Variants in TBK1 observed in about 807,000 individuals in gnomAD.
TBK1 encodes TANK binding kinase 1, also known as serine/threonine-protein kinase TBK1.
A neutral mutation model predicts 99.9 loss-of-function variants in TBK1; 37 were observed. That is an observed-to-expected ratio of 0.37 (90% CI 0.28 to 0.49). The LOEUF is 0.49. TBK1 is among the 20% of genes least tolerant of loss of function. TBK1 has a pLI of 0.98. For synonymous variants in TBK1, 258 were observed against 279.8 expected, an observed-to-expected ratio of 0.92 and a Z score of 0.78; for missense variants, 644 against 872.5, an observed-to-expected ratio of 0.74 and a Z score of 3.30.
At chr12:64,462,352 C>A (rs1234020871) in intron 3 of TBK1, among the ~76,000 whole-genome samples, 1 of 152,092 alleles carries the variant, frequency 6.6e-6, no homozygotes, top group African/African-American at 2.4e-5. Context: ...TCTTGGAACA[C>A]CTTATATATG....
At chr12:64,486,922 T>C (rs1009736174) in intron 11 of TBK1, among the ~76,000 whole-genome samples, 5 of 152,126 alleles carry the variant, frequency 3.3e-5, no homozygotes, top group African/African-American at 1.2e-4. Flanking sequence ...ACCACTAATA[T>C]ACTGTTTGCC....
At chr12:64,456,383 G>T (rs1297785034) in intron 2 of TBK1, among the ~76,000 whole-genome samples, 1 of 152,148 alleles carries the variant, frequency 6.6e-6, no homozygotes, top group Non-Finnish European at 1.5e-5. Flanking sequence ...TCTGGTAAGG[G>T]TAAGTGCCCC....
intron 5 of TBK1, among the ~76,000 whole-genome samples, chr12:64,468,837 C>T (rs1387863706): frequency 6.6e-6 from 1 of 152,176 alleles, no homozygotes; most frequent in East Asian, 1.9e-4. Flanking sequence ...GCACAGCGTT[C>T]TGACTGCTGT....
At chr12:64,468,145 A>G (rs1449779774) in intron 5 of TBK1, among the ~76,000 whole-genome samples, 1 of 152,112 alleles carries the variant, frequency 6.6e-6, no homozygotes, top group African/African-American at 2.4e-5. Flanking sequence ...CTATGATTGC[A>G]CCACTGCAAT....
chr12:64,497,541 AGGACTTATTAAAAGC>A, intron 18 of TBK1, 92 bp from the exon 19 acceptor site: 1 of 726,218 alleles, frequency 1.4e-6, no homozygotes, highest in Non-Finnish European at 2.2e-6. Context: ...GTTTTTTTAA[AGGACTTATTAAAAGC>A]TGTAACACTT....
At chr12:64,487,307 G>A (rs1051151233) in intron 11 of TBK1, among the ~76,000 whole-genome samples, 8 of 152,150 alleles carry the variant, frequency 5.3e-5, no homozygotes, top group Non-Finnish European at 5.9e-5. Flanking sequence ...CACTCATGTC[G>A]CTATGTATGT....
At chr12:64,476,028 CTT>C (rs976113662) in intron 6 of TBK1, among the ~76,000 whole-genome samples, 1 of 150,972 alleles carries the variant, frequency 6.6e-6, no homozygotes, top group African/African-American at 2.4e-5. Flanking sequence ...GCATCTGTTA[CTT>C]TTTTTTATTT....
At chr12:64,485,268 A>G (rs1003233949) in intron 9 of TBK1, among the ~76,000 whole-genome samples, 187 bp from the exon 10 acceptor site, 1 of 152,196 alleles carries the variant, frequency 6.6e-6, no homozygotes, top group Admixed American at 6.5e-5. Flanking sequence ...GAAACTCCTT[A>G]GAAATATTTG....
At chr12:64,459,569 C>A (rs2136056124) in intron 2 of TBK1, among the ~76,000 whole-genome samples, 1 of 152,250 alleles carries the variant, frequency 6.6e-6, no homozygotes. Flanking sequence ...CTGCCCTGGT[C>A]ATCTAGGTAG....
intron 13 of TBK1, among the ~76,000 whole-genome samples, chr12:64,492,944 G>A (rs61933207): frequency 0.096 from 13,966 of 145,234 alleles, 791 homozygotes; most frequent in Middle Eastern, 0.21. Context: ...TGCCCAGGCT[G>A]GAGTGCAGTG....
chr12:64,469,074 G>T (rs991682447), intron 5 of TBK1, among the ~76,000 whole-genome samples: 1 of 152,054 alleles, frequency 6.6e-6, no homozygotes, highest in African/African-American at 2.4e-5. Flanking sequence ...TCCTCTGGCT[G>T]TCTGAGTTGT....
At chr12:64,489,654 C>A (rs564746397) in intron 12 of TBK1, among the ~76,000 whole-genome samples, 2 of 151,050 alleles carry the variant, frequency 1.3e-5, no homozygotes, top group Admixed American at 6.6e-5. Flanking sequence ...CTGCAACCTC[C>A]GCCTCCCAGG....
chr12:64,500,711 T>A (rs1413042559), intron 20 of TBK1, among the ~76,000 whole-genome samples: 2 of 151,874 alleles, frequency 1.3e-5, no homozygotes, highest in Non-Finnish European at 1.5e-5. Flanking sequence ...AAGGTCTCAT[T>A]TCTCAACTTC....
intron 13 of TBK1, among the ~76,000 whole-genome samples, chr12:64,494,600 TAGTC>T (rs1450851313): frequency 3.9e-5 from 6 of 152,058 alleles, no homozygotes; most frequent in Admixed American, 1.3e-4. Context: ...ATAAGGAAAA[TAGTC>T]AATCTGCAAA....
intron 5 of TBK1, among the ~76,000 whole-genome samples, chr12:64,468,647 TG>T (rs1206898375): frequency 6.6e-6 from 1 of 152,156 alleles, no homozygotes; most frequent in Non-Finnish European, 1.5e-5. Flanking sequence ...GCCCACGTTC[TG>T]GTAGGGAAAA....
At chr12:64,497,584 A>C (rs1421037516) in intron 18 of TBK1, 64 bp from the exon 19 acceptor site, 12 of 1,087,932 alleles carry the variant, frequency 1.1e-5, no homozygotes, top group Non-Finnish European at 1.3e-5. Flanking sequence ...GATCTGTAGT[A>C]AGTACTTTTG....
intron 7 of TBK1, among the ~76,000 whole-genome samples, chr12:64,481,169 A>G (rs1348813857): frequency 6.6e-6 from 1 of 152,146 alleles, no homozygotes; most frequent in Non-Finnish European, 1.5e-5. Flanking sequence ...TTTAGGAAAT[A>G]CTCATTTTGG....
At chr12:64,461,587 AC>A (rs1392649986) in intron 3 of TBK1, among the ~76,000 whole-genome samples, 2 of 152,236 alleles carry the variant, frequency 1.3e-5, no homozygotes, top group African/African-American at 2.4e-5. Flanking sequence ...GCAGATAGTT[AC>A]CTGGAATTAG....
In TBK1 at chr12:64,465,199, T is replaced by G. The variant is rs1172463682; in HGVS notation, c.358+736T>G. Among the ~76,000 whole-genome samples the G allele has an allele frequency of 2.2e-5, 3 of 134,976 alleles. No homozygotes were observed. In the Admixed American group the frequency reaches 2.5e-4, roughly 11 times the overall value. 88.5% of individuals were successfully genotyped at this position (134,976 alleles called of 152,430 possible). A position where few individuals can be genotyped will look rare whatever the true frequency, so the allele number is the denominator to read the frequency against. On this transcript the variant is annotated intron_variant, in intron 4 of 20. Coordinates refer to ENST00000331710, the MANE Select transcript of TBK1 (RefSeq NM_013254.4). ...GATTGAGGCTGCTGTGAGCCTTGAT[T>G]GTGCCACTGCACTTCAGCCTGGGCA...
Sources: allele counts gnomAD v4.1 joint callset (sites outside exome capture counted in the v4.1 genomes callset), GRCh38; gene constraint gnomAD v4.1.1; transcripts MANE v1.5; gene names NCBI Gene and HGNC (gene_info 2026-07-23, HGNC 2026-07-21).